Variants in PARD3B observed in about 807,000 individuals in gnomAD.
The protein encoded by PARD3B is partitioning defective 3 homolog B.
In PARD3B, 103 loss-of-function variants were observed where a neutral mutation model predicts 130.2. That is an observed-to-expected ratio of 0.79 (90% CI 0.67 to 0.93). The LOEUF (loss-of-function observed/expected upper bound fraction) is 0.93, where lower values mean the gene tolerates loss of function less well. PARD3B is among the 40% of genes least tolerant of loss of function. The pLI is 0.00. For synonymous variants in PARD3B, 583 were observed against 553.2 expected, an observed-to-expected ratio of 1.05 and a Z score of -0.76; for missense variants, 1,609 against 1,499.2, an observed-to-expected ratio of 1.07 and a Z score of -1.21.
In PARD3B at chr2:205,463,438, TAA is replaced by T. The variant is rs35556760; in HGVS notation, c.3044+22786_3044+22787del. 0.12 allele frequency among the ~76,000 whole-genome samples: 14,769 copies of T among 121,422 alleles called. 1,156 individuals carry two copies. Among genetic ancestry groups the T allele is most frequent in the African/African-American group, 0.25 (8,668 of 34,732 alleles). The allele number at this position is 121,422 out of a possible 152,430, so 79.7% of individuals were successfully genotyped here. On this transcript the variant is annotated intron_variant, in intron 20 of 22. Coordinates refer to ENST00000406610, the MANE Select transcript of PARD3B (RefSeq NM_001302769.2). The surrounding 1 kb of genome is among the most constrained non-coding windows in gnomAD (Gnocchi z 4.8). ...AACATTTCACTGCACATTAATTCTT[TAA>T]AAAAAAAAAAAAAAAAAAACCTGTC... is the stretch of plus-strand genomic sequence containing the variant.
At chr2:204,838,493 A>G (rs1301260310) in intron 2 of PARD3B, among the ~76,000 whole-genome samples, 1 of 152,044 alleles carries the variant, frequency 6.6e-6, no homozygotes, top group Non-Finnish European at 1.5e-5. Context: ...GGGATTACAG[A>G]CATGAACCAC....
At chr2:204,620,718 A>G (rs141532161) in intron 1 of PARD3B, among the ~76,000 whole-genome samples, 1 of 152,324 alleles carries the variant, frequency 6.6e-6, no homozygotes, top group African/African-American at 2.4e-5. Context: ...CCTGTACTGT[A>G]GGTTAGCTGT....
At chr2:205,110,417 G>A (rs1703546132) in intron 5 of PARD3B, among the ~76,000 whole-genome samples, 1 of 152,140 alleles carries the variant, frequency 6.6e-6, no homozygotes, top group Admixed American at 6.5e-5. Context: ...TCTCAGATTG[G>A]TAGCAGCTGG....
intron 2 of PARD3B, among the ~76,000 whole-genome samples, chr2:204,911,245 G>A (rs186907226): frequency 5.9e-5 from 9 of 152,330 alleles, no homozygotes; most frequent in Non-Finnish European, 5.9e-5. Flanking sequence ...AGAGCAGGGA[G>A]AGCAAGTTGA....
At chr2:205,488,860 G>T (rs1369225513) in intron 20 of PARD3B, among the ~76,000 whole-genome samples, 1 of 152,112 alleles carries the variant, frequency 6.6e-6, no homozygotes, top group African/African-American at 2.4e-5. Context: ...TCTAAGCTCA[G>T]ATATTTGGTG....
chr2:205,533,789 G>T (rs1345299074), intron 21 of PARD3B, among the ~76,000 whole-genome samples: 2 of 152,090 alleles, frequency 1.3e-5, no homozygotes, highest in Admixed American at 1.3e-4. Context: ...GAGTGCAGGG[G>T]TGCAAACAGG....
At chr2:205,454,818 C>G (rs556711921) in intron 20 of PARD3B, among the ~76,000 whole-genome samples, 4 of 152,194 alleles carry the variant, frequency 2.6e-5, no homozygotes, top group African/African-American at 9.6e-5. Context: ...AAATGCCAGT[C>G]AGGTCACACG....
chr2:204,565,624 ATT>A (rs1176907322), intron 1 of PARD3B, among the ~76,000 whole-genome samples: 2 of 152,218 alleles, frequency 1.3e-5, no homozygotes, highest in African/African-American at 4.8e-5. Flanking sequence ...GGTGTTAAAA[ATT>A]TTTAATTTTT....
At chr2:205,220,079 G>A (rs1399519434) in intron 15 of PARD3B, among the ~76,000 whole-genome samples, 1 of 152,058 alleles carries the variant, frequency 6.6e-6, no homozygotes, top group Non-Finnish European at 1.5e-5. Flanking sequence ...CCTGTATTTG[G>A]GTTCAAAAAA....
At chr2:204,884,533 T>C (rs2046200292) in intron 2 of PARD3B, among the ~76,000 whole-genome samples, 1 of 152,128 alleles carries the variant, frequency 6.6e-6, no homozygotes, top group South Asian at 2.1e-4. Flanking sequence ...GCCCTGTTGG[T>C]TTGCTGCACA....
Position 205,558,757 on chromosome 2 carries a change from CTT to C in PARD3B, c.3260+5355_3260+5356del, listed in dbSNP as rs2053010611. Among the ~76,000 whole-genome samples the C allele has an allele frequency of 6.6e-6, 1 of 152,174 alleles. No homozygotes were observed. Among genetic ancestry groups the C allele is most frequent in the South Asian group, 2.1e-4 (1 of 4,822 alleles). On this transcript the variant is annotated intron_variant, in intron 22 of 22. Transcript: ENST00000406610. The surrounding 1 kb of genome is among the most constrained non-coding windows in gnomAD (Gnocchi z 4.8). ...ACCTGCCTAACATTCATGTCCCACTCTTGTGACCCCGTTTGATATACTCCTCC... is the reference window on the plus strand; with the variant it reads ...ACCTGCCTAACATTCATGTCCCACTCGTGACCCCGTTTGATATACTCCTCC...
At chr2:204,651,592 G>T (rs1299215560) in intron 1 of PARD3B, among the ~76,000 whole-genome samples, 1 of 152,202 alleles carries the variant, frequency 6.6e-6, no homozygotes, top group Non-Finnish European at 1.5e-5. Flanking sequence ...GGTATAAGCT[G>T]TCAGTGGATC....
At chr2:204,569,782 C>T (rs1159337452) in intron 1 of PARD3B, among the ~76,000 whole-genome samples, 1 of 152,146 alleles carries the variant, frequency 6.6e-6, no homozygotes, top group African/African-American at 2.4e-5. Context: ...GTGATGAGAG[C>T]ACTCTAAGAA....
intron 1 of PARD3B, among the ~76,000 whole-genome samples, chr2:204,567,858 A>G (rs1443386220): frequency 6.6e-6 from 1 of 152,220 alleles, no homozygotes; most frequent in Non-Finnish European, 1.5e-5. Context: ...ATTTCTTCCT[A>G]TCTCTGCCAA....
In PARD3B at chr2:205,346,052, T is replaced by C. The variant is rs182770115; in HGVS notation, c.2630+44351T>C. Among the ~76,000 whole-genome samples the C allele has an allele frequency of 8.1e-3, 1,156 of 143,296 alleles. 9 individuals are homozygous for C. Among genetic ancestry groups the C allele is most frequent in the East Asian group, 0.056 (259 of 4,642 alleles). 94.0% of individuals were successfully genotyped at this position (143,296 alleles called of 152,430 possible). A position where few individuals can be genotyped will look rare whatever the true frequency, so the allele number is the denominator to read the frequency against. On this transcript the variant is annotated intron_variant, in intron 18 of 22. Transcript: ENST00000406610. ...CGGGCGTGGTGGCGCACGCCTGTAG[T>C]CCCAGCTACTCGGGAGGCTGAGGCA... is the stretch of plus-strand genomic sequence containing the variant.
chr2:204,969,677 G>A (rs1292670841), intron 3 of PARD3B, among the ~76,000 whole-genome samples: 1 of 152,124 alleles, frequency 6.6e-6, no homozygotes, highest in Non-Finnish European at 1.5e-5. Flanking sequence ...TCAGTTGCAT[G>A]ACTTTTTAAA....
At chr2:205,145,896 G>A (rs1034160409) in intron 10 of PARD3B, among the ~76,000 whole-genome samples, 8 of 150,356 alleles carry the variant, frequency 5.3e-5, no homozygotes, top group African/African-American at 9.8e-5. Flanking sequence ...CCCCATATGC[G>A]ATGGCTGAGA....
intron 1 of PARD3B, among the ~76,000 whole-genome samples, chr2:204,580,814 G>A (rs1028091986): frequency 6.6e-5 from 10 of 152,148 alleles, no homozygotes; most frequent in South Asian, 4.1e-4. Context: ...AACAATCTGC[G>A]TGACACATAC....
At chr2:205,360,453 C>T (rs1322476523) in intron 18 of PARD3B, among the ~76,000 whole-genome samples, 1 of 152,062 alleles carries the variant, frequency 6.6e-6, no homozygotes, top group Non-Finnish European at 1.5e-5. Flanking sequence ...AAAATACTTT[C>T]CTACATTTCC....
Sources: gnomAD v4.1 joint callset for allele counts (sites outside exome capture counted in the v4.1 genomes callset) on GRCh38, gnomAD v4.1.1 for gene constraint, Gnocchi (gnomAD v3.1) non-coding constraint, MANE v1.5 for transcripts, NCBI Gene and HGNC (gene_info 2026-07-23, HGNC 2026-07-21) for gene names.